The following VOPP1 variants were observed in gnomAD, a reference collection of about 807,000 sequenced individuals.
The protein encoded by VOPP1 is VOPP1 WW domain binding protein, also known as WW domain binding protein VOPP1.
A neutral mutation model predicts 23.5 loss-of-function variants in VOPP1; 8 were observed. That is an observed-to-expected ratio of 0.34 (90% CI 0.20 to 0.61). The LOEUF (loss-of-function observed/expected upper bound fraction) is 0.61, where lower values mean the gene tolerates loss of function less well. VOPP1 is among the 20% of genes least tolerant of loss of function. The pLI is 0.78. For missense variants in VOPP1, 174 were observed against 238.1 expected, an observed-to-expected ratio of 0.73 and a Z score of 1.77; for synonymous variants, 83 against 97.3, an observed-to-expected ratio of 0.85 and a Z score of 0.86.
At chr7:55,550,865 A>C (rs1196857850) in intron 1 of VOPP1, among the ~76,000 whole-genome samples, 2 of 152,204 alleles carry the variant, frequency 1.3e-5, no homozygotes, top group Non-Finnish European at 2.9e-5. Flanking sequence ...CCACAATTAG[A>C]ATGCATTAGG....
At chr7:55,497,011 G>A (rs767705403) in intron 3 of VOPP1, among the ~76,000 whole-genome samples, 1 of 152,182 alleles carries the variant, frequency 6.6e-6, no homozygotes, top group Non-Finnish European at 1.5e-5. Flanking sequence ...ACAGATGCTC[G>A]GGGCACTCCA....
At chr7:55,457,802 A>ATT (rs202233307) in intron 4 of VOPP1, among the ~76,000 whole-genome samples, 8 of 148,428 alleles carry the variant, frequency 5.4e-5, no homozygotes, top group African/African-American at 2.0e-4. Context: ...TTTAAAAGGG[A>ATT]TTTTTTTTTT....
chr7:55,530,039 GGACA>G, intron 1 of VOPP1, among the ~76,000 whole-genome samples: 1 of 152,242 alleles, frequency 6.6e-6, no homozygotes, highest in South Asian at 2.1e-4. Flanking sequence ...GTCCTTGCAT[GGACA>G]GATATCTTAA....
At chr7:55,508,311 A>G (rs1794859537) in intron 2 of VOPP1, among the ~76,000 whole-genome samples, 1 of 152,200 alleles carries the variant, frequency 6.6e-6, no homozygotes, top group African/African-American at 2.4e-5. Context: ...TGTGTCACCC[A>G]GGCTGGAGTG....
chr7:55,478,448 A>G (rs1479984305), intron 4 of VOPP1, among the ~76,000 whole-genome samples: 1 of 152,366 alleles, frequency 6.6e-6, no homozygotes, highest in East Asian at 1.9e-4. Context: ...GACTCTAGCC[A>G]AAAAAGGGGG....
chr7:55,468,721 T>G (rs1235129989), downstream of VOPP1, among the ~76,000 whole-genome samples: 1 of 151,994 alleles, frequency 6.6e-6, no homozygotes, highest in African/African-American at 2.4e-5. Context: ...CCCACAGGAG[T>G]GGCTGTCAAT....
rs1793635698 is a variant in VOPP1 at position 55,492,348 on chromosome 7, G to C, written c.262C>G (p.Pro88Ala). ...GFFIRRRMYP[P>A]PLIEEPAFNV... ...AAGGCTGGCTCCTCGATCAGCGGCGGGGGGTACATGCGCCTCCGGATGAAG... is the reference window on the plus strand; with the variant it reads ...AAGGCTGGCTCCTCGATCAGCGGCGCGGGGTACATGCGCCTCCGGATGAAG... Residue 88 changes from proline (P) to alanine (A), a missense_variant, in exon 4 of 5, where the codon CCG becomes GCG. Physicochemically the swap from Pro to Ala is conservative, Grantham distance 27. Transcript: ENST00000285279. The C allele has an allele frequency of 6.2e-7, 1 of 1,609,274 alleles. No homozygotes were observed. Among genetic ancestry groups the C allele is most frequent in the East Asian group, 2.2e-5 (1 of 44,644 alleles).
At chr7:55,537,759 G>T (rs1018514615) in intron 1 of VOPP1, 2 of 1,362,766 alleles carry the variant, frequency 1.5e-6, no homozygotes, top group African/African-American at 2.9e-5. Context: ...AGCAGGTCCG[G>T]CCCCCAGGCC....
chr7:55,447,424 G>A (rs564665557), intron 4 of VOPP1, among the ~76,000 whole-genome samples: 7 of 152,236 alleles, frequency 4.6e-5, no homozygotes, highest in Admixed American at 1.3e-4. Flanking sequence ...GCTTGGGTTC[G>A]GGGCTGGTTC....
intron 1 of VOPP1, among the ~76,000 whole-genome samples, chr7:55,569,696 A>T (rs1382251632): frequency 6.6e-6 from 1 of 152,270 alleles, no homozygotes; most frequent in Non-Finnish European, 1.5e-5. Context: ...AATGTTTAGT[A>T]AGCAAACATA....
chr7:55,474,676 G>A (rs1022886195), intron 4 of VOPP1, among the ~76,000 whole-genome samples: 4 of 152,222 alleles, frequency 2.6e-5, no homozygotes, highest in Admixed American at 6.5e-5. Context: ...GGACAAGGGC[G>A]GGGCAGATGA....
At chr7:55,569,764 G>A (rs892056680) in intron 1 of VOPP1, among the ~76,000 whole-genome samples, 2 of 152,154 alleles carry the variant, frequency 1.3e-5, no homozygotes, top group Non-Finnish European at 2.9e-5. Flanking sequence ...TGGTGAGGCA[G>A]GGGAGGAAAG....
chr7:55,460,216 T>C (rs966750534), intron 4 of VOPP1, among the ~76,000 whole-genome samples: 4 of 152,236 alleles, frequency 2.6e-5, no homozygotes, highest in African/African-American at 4.8e-5. Flanking sequence ...TATTCCATTG[T>C]AGTTTAAAAA....
At chr7:55,554,319 C>T (rs1006748948) in intron 1 of VOPP1, among the ~76,000 whole-genome samples, 1 of 152,192 alleles carries the variant, frequency 6.6e-6, no homozygotes, top group African/African-American at 2.4e-5. Flanking sequence ...CAGGATCTCA[C>T]AGGGCACTGA....
At chr7:55,531,183 C>T (rs1218090426) in intron 1 of VOPP1, among the ~76,000 whole-genome samples, 2 of 152,184 alleles carry the variant, frequency 1.3e-5, no homozygotes, top group Non-Finnish European at 2.9e-5. Context: ...GAGTGGGAGA[C>T]TTCATTAGAA....
intron 4 of VOPP1, among the ~76,000 whole-genome samples, chr7:55,465,023 G>C (rs752862355): frequency 6.6e-6 from 1 of 152,132 alleles, no homozygotes; most frequent in Admixed American, 6.5e-5. Flanking sequence ...TCCTGGCTCC[G>C]AGCTGATTGC....
At chr7:55,494,107 G>C (rs1793774146) in intron 3 of VOPP1, among the ~76,000 whole-genome samples, 1 of 152,182 alleles carries the variant, frequency 6.6e-6, no homozygotes. Flanking sequence ...TGGGCGGAGG[G>C]AGCGGCCATG....
intron 2 of VOPP1, among the ~76,000 whole-genome samples, chr7:55,511,810 T>C (rs1196173751): frequency 2.6e-5 from 4 of 152,210 alleles, no homozygotes; most frequent in Admixed American, 6.5e-5. Context: ...GCCTAAAATA[T>C]ATAAAACCAA....
chr7:55,489,705 G>C (rs1793424788), intron 4 of VOPP1, among the ~76,000 whole-genome samples: 1 of 152,198 alleles, frequency 6.6e-6, no homozygotes, highest in African/African-American at 2.4e-5. Flanking sequence ...GACTGTAGTT[G>C]TGATGTATTC....
Sources: allele counts gnomAD v4.1 joint callset (sites outside exome capture counted in the v4.1 genomes callset), GRCh38; gene constraint gnomAD v4.1.1; transcripts MANE v1.5; gene names NCBI Gene and HGNC (gene_info 2026-07-23, HGNC 2026-07-21).